RYR1: variants seen among roughly 807,000 people sequenced by gnomAD.
RYR1 encodes the protein central core disease of muscle.
In RYR1, 342 loss-of-function variants were observed where a neutral mutation model predicts 583.5. The ratio of observed to expected loss-of-function variants is 0.59; its 90% CI spans 0.54 to 0.64. The LOEUF is 0.64. Ranked by LOEUF, RYR1 falls within the 30% of genes least tolerant of loss-of-function variation. RYR1 has a pLI of 0.00. For missense variants in RYR1, 6,032 were observed against 6,917.2 expected (o/e 0.87, Z 4.54); for synonymous variants, 2,791 against 2,822.5 (o/e 0.99, Z 0.35).
intron 63 of RYR1, among the ~76,000 whole-genome samples, chr19:38,513,352 G>A (rs926440241): frequency 2.7e-5 from 4 of 149,590 alleles, no homozygotes; most frequent in Non-Finnish European, 5.9e-5. Flanking sequence ...GAAAAGAAAA[G>A]TAGCAGTTGG....
rs1972949467 is a variant in RYR1, at chr19:38,557,885, C to G, written c.12283-3228C>G. On this transcript the variant is annotated intron_variant, in intron 89 of 105. Transcript: ENST00000359596. ...TTCCCAGCTACTCGGGAGGCTGAGG[C>G]AGGAGAATCGCTTGAACCCGGGAGG... 2.0e-5 allele frequency among the ~76,000 whole-genome samples: 3 copies of G among 151,826 alleles called. No individual in the cohort carries two copies. In the South Asian group the frequency reaches 6.2e-4, roughly 32 times the overall value.
At chr19:38,581,414 G>C (rs2145900438) in intron 101 of RYR1, among the ~76,000 whole-genome samples, 1 of 152,140 alleles carries the variant, frequency 6.6e-6, no homozygotes, top group South Asian at 2.1e-4. Context: ...GTTTCACCAT[G>C]TTGGCCAGGA....
intron 47 of RYR1, among the ~76,000 whole-genome samples, chr19:38,501,371 A>G (rs1371139046): frequency 6.6e-6 from 1 of 152,136 alleles, no homozygotes; most frequent in Non-Finnish European, 1.5e-5. Flanking sequence ...GGTGGCGCAC[A>G]CTTGTAATCC....
chr19:38,519,228 AT>A lies in RYR1; in HGVS notation c.10035del (p.Ile3345MetfsTer2). On this transcript the variant is annotated frameshift_variant, in exon 67 of 106. Transcript: ENST00000359596. LOFTEE classifies it high-confidence loss of function. ...MKRLAVFAQP[I>X]VSRARPELLQ... ...CACCCCTGCAGTGTTCGCACAGCCC[AT>A]TGTGAGCCGTGCACGGCCGGAGCTC... The A allele has an allele frequency of 6.2e-7, 1 of 1,614,078 alleles. No individual in the cohort carries two copies. Among genetic ancestry groups the A allele is most frequent in the Non-Finnish European group, 8.5e-7 (1 of 1,179,992 alleles).
chr19:38,544,790 A>G (rs1465862275), intron 87 of RYR1, among the ~76,000 whole-genome samples: 3 of 151,720 alleles, frequency 2.0e-5, no homozygotes, highest in Non-Finnish European at 4.4e-5. Context: ...ATCATCATGT[A>G]GAATTCCAAA....
At chr19:38,547,623 T>C (rs997081503) in intron 88 of RYR1, among the ~76,000 whole-genome samples, 1 of 152,202 alleles carries the variant, frequency 6.6e-6, no homozygotes, top group Admixed American at 6.5e-5. Flanking sequence ...TATGTCTCAG[T>C]TTCTCTTCCT....
chr19:38,536,345 C>T (rs1045565048), intron 82 of RYR1, among the ~76,000 whole-genome samples: 1 of 149,696 alleles, frequency 6.7e-6, no homozygotes, highest in Non-Finnish European at 1.5e-5. Context: ...TGGACCCCAC[C>T]CTCCACGTGC....
At position 38,506,468 on chromosome 19, in the gene RYR1, C is replaced by T; in HGVS notation, c.8617-3C>T. 2.5e-6 allele frequency: 4 copies of T among 1,614,084 alleles called. No homozygotes were observed. Among genetic ancestry groups the T allele is most frequent in the Non-Finnish European group, 3.4e-6 (4 of 1,180,014 alleles). ...TAGCCCTTGACTCTGCATCCACTCC[C>T]AGGCCATGGCAGAACAACTGGCAGA... On this transcript the variant is annotated splice_region_variant and splice_polypyrimidine_tract_variant and intron_variant, in intron 55 of 105. Transcript: ENST00000359596.
intron 96 of RYR1, among the ~76,000 whole-genome samples, chr19:38,573,926 C>A (rs2145876062): frequency 6.6e-6 from 1 of 152,010 alleles, no homozygotes; most frequent in Non-Finnish European, 1.5e-5. Flanking sequence ...GTGATTCTTA[C>A]TCAGGTGCAA....
chr19:38,480,680 T>C (rs1968963941), intron 31 of RYR1, among the ~76,000 whole-genome samples: 1 of 152,144 alleles, frequency 6.6e-6, no homozygotes, highest in Admixed American at 6.5e-5. Flanking sequence ...AAAATGTCAT[T>C]TTACCATTTC....
Position 38,565,481 on chromosome 19 carries a change from A to G in RYR1, c.13147A>G (p.Met4383Val). The G allele has an allele frequency of 6.6e-7, 1 of 1,505,370 alleles. No individual in the cohort carries two copies. Among genetic ancestry groups the G allele is most frequent in the Non-Finnish European group, 8.8e-7 (1 of 1,134,600 alleles). 93.3% of individuals were successfully genotyped at this position (1,505,370 alleles called of 1,614,324 possible). ...KVTVTELLAGMPDPTSDEVHG... is the reference protein window; with the variant it reads ...KVTVTELLAGVPDPTSDEVHG... Reference sequence around the variant, plus strand: ...GACGGTGACCGAGCTCCTGGCAGGCATGCCCGACCCCACCAGCGACGAGGT... The same window carrying G: ...GACGGTGACCGAGCTCCTGGCAGGCGTGCCCGACCCCACCAGCGACGAGGT... Residue 4383 changes from methionine to valine, a missense_variant, in exon 91 of 106, where the codon ATG becomes GTG. Around this residue, in one of 11 missense-constraint regions of RYR1, gnomAD observed 753 missense variants for 759.6 expected, o/e 0.99. Transcript: ENST00000359596. The surrounding 1 kb of genome is among the most constrained non-coding windows in gnomAD (Gnocchi z 4.7).
chr19:38,565,150 GGAAGGC>G lies in RYR1; in HGVS notation c.12818_12823del (p.Glu4273_Gly4274del), dbSNP rs1199483143. On this transcript the variant is annotated inframe_deletion, in exon 91 of 106. Transcript: ENST00000359596. The surrounding 1 kb of genome is among the most constrained non-coding windows in gnomAD (Gnocchi z 4.7). ...GCGCGGGCGCGGCGGAGGCGGGCGCGGAAGGCGCGGAGGAGGGCGCGGCGGGGCTCG... is the reference window on the plus strand; with the variant it reads ...GCGCGGGCGCGGCGGAGGCGGGCGCGGCGGAGGAGGGCGCGGCGGGGCTCG... 2 of 1,516,798 alleles carry G rather than the reference GGAAGGC, an allele frequency of 1.3e-6. No homozygotes were observed. Among genetic ancestry groups the G allele is most frequent in the Admixed American group, 2.0e-5 (1 of 50,148 alleles). The allele number at this position is 1,516,798 out of a possible 1,614,324, so 94.0% of individuals were successfully genotyped here. A position where few individuals can be genotyped will look rare whatever the true frequency, so the allele number is the denominator to read the frequency against.
chr19:38,472,693 C>A (rs1229723530), intron 27 of RYR1, among the ~76,000 whole-genome samples: 1 of 151,768 alleles, frequency 6.6e-6, no homozygotes, highest in African/African-American at 2.4e-5. Context: ...GCCTGGGCAA[C>A]ATGGTGAAAC....
At chr19:38,567,638 C>A in intron 92 of RYR1, 135 bp from the exon 93 acceptor site, 1 of 1,259,914 alleles carries the variant, frequency 7.9e-7, no homozygotes, top group South Asian at 1.3e-5. Flanking sequence ...CTGATTATCT[C>A]ATCATCCCAT....
At position 38,532,490 on chromosome 19, in the gene RYR1, C is replaced by A. The variant is rs1389396480; in HGVS notation, c.11142C>A (p.Ser3714Arg). Residue 3714 changes from serine (S) to arginine (R), a missense_variant and splice_region_variant, in exon 77 of 106, where the codon AGC becomes AGA. Coordinates refer to ENST00000359596, the MANE Select transcript of RYR1 (RefSeq NM_000540.3). ...ACCACTCCCCTGCTTACTTCCCCAGCAAACTGGATGAGGATTACCTGTACA... is the reference window on the plus strand; with the variant it reads ...ACCACTCCCCTGCTTACTTCCCCAGAAAACTGGATGAGGATTACCTGTACA... The part of the protein sequence containing the change: ...HFSRTALTEK[S>R]KLDEDYLYMA... The A allele has an allele frequency of 2.5e-6, 4 of 1,614,184 alleles. No individual in the cohort carries two copies. The highest frequency in any genetic ancestry group is 1.1e-5 in the South Asian group (1 of 91,088).
chr19:38,573,083 C>A (rs1282905558), intron 95 of RYR1, 94 bp from the exon 96 acceptor site: 11 of 1,576,416 alleles, frequency 7.0e-6, no homozygotes, highest in Non-Finnish European at 9.5e-6. Flanking sequence ...TGTGGGGTCA[C>A]ACACAGACCC....
At chr19:38,539,029 T>C (rs1972090787) in intron 84 of RYR1, among the ~76,000 whole-genome samples, 1 of 151,988 alleles carries the variant, frequency 6.6e-6, no homozygotes, top group African/African-American at 2.4e-5. Flanking sequence ...ATTGGAGTAA[T>C]TAGTAATCTT....
intron 33 of RYR1, among the ~76,000 whole-genome samples, chr19:38,484,421 C>T (rs915917186): frequency 4.5e-5 from 6 of 132,094 alleles, no homozygotes; most frequent in Admixed American, 2.8e-4. Flanking sequence ...CCTTCCTTCC[C>T]CTCTCCCTCC....
At position 38,485,638 on chromosome 19, in the gene RYR1, C is replaced by T. The variant is rs766969655; in HGVS notation, c.4983C>T (p.Phe1661=). ...ELSERLDLQR[F]HSHTLRLYRA... ...CGGAGCGCCTGGACCTGCAGCGCTT[C>T]CACTCGCACACCCTGCGCCTCTACC... Residue 1661 remains phenylalanine (F), a synonymous_variant, in exon 34 of 106, where the codon TTC becomes TTT. Transcript: ENST00000359596. 6.2e-7 allele frequency: 1 copy of T among 1,610,580 alleles called. No individual in the cohort carries two copies. Among genetic ancestry groups the T allele is most frequent in the South Asian group, 1.1e-5 (1 of 91,088 alleles).
Sources: allele counts gnomAD v4.1 joint callset (sites outside exome capture counted in the v4.1 genomes callset), GRCh38; gene constraint gnomAD v4.1.1; regional missense constraint gnomAD v4.1.1; non-coding constraint Gnocchi (gnomAD v3.1); transcripts MANE v1.5; gene names NCBI Gene and HGNC (gene_info 2026-07-23, HGNC 2026-07-21).